RAB27A: variants seen among roughly 807,000 people sequenced by gnomAD.
RAB27A encodes the protein RAB27A, member RAS oncogene family, also known as ras-related protein Rab-27A.
A neutral mutation model predicts 20.8 loss-of-function variants in RAB27A; 17 were observed. That is an observed-to-expected ratio of 0.82 (90% CI 0.56 to 1.23). RAB27A has a LOEUF of 1.23. Ranked by LOEUF, RAB27A falls within the 50% of genes most tolerant of loss-of-function variation. The probability of loss-of-function intolerance (pLI) is 0.00; values close to 1 mark genes in which losing one functional copy is unlikely to be tolerated. For synonymous variants in RAB27A, 85 were observed against 92.8 expected (o/e 0.92, Z 0.48); for missense variants, 277 against 266.7 (o/e 1.04, Z -0.27).
Position 55,205,587 on chromosome 15 carries a change from C to T in RAB27A, c.586G>A (p.Glu196Lys). 1.7e-5 allele frequency: 28 copies of T among 1,614,184 alleles called. No homozygotes were observed. The highest frequency in any genetic ancestry group is 2.4e-5 in the Non-Finnish European group (28 of 1,180,028). The change falls in exon 7 of 7, where the codon GAA becomes AAA. Residue 196 changes from glutamate (E) to lysine (K), a missense_variant. Transcript: ENST00000336787. Reference sequence around the variant, plus strand: ...TGACCATTTGATCGCACCACTCCTTCAGGAATCCAGGACTTGTCCACACAC... The same window carrying T: ...TGACCATTTGATCGCACCACTCCTTTAGGAATCCAGGACTTGTCCACACAC... ...ERCVDKSWIPEGVVRSNGHAS... is the reference protein window; with the variant it reads ...ERCVDKSWIPKGVVRSNGHAS...
At chr15:55,274,815 T>TATATATATATATATATATATACAC (rs1188210380) in intron 1 of RAB27A, among the ~76,000 whole-genome samples, 3 of 135,084 alleles carry the variant, frequency 2.2e-5, no homozygotes, top group African/African-American at 8.1e-5. Context: ...TATATATATA[T>TATATATATATATATATATATACAC]ATATATATAT....
chr15:55,260,210 G>A (rs1897226002), intron 2 of RAB27A, among the ~76,000 whole-genome samples: 1 of 152,144 alleles, frequency 6.6e-6, no homozygotes, highest in Non-Finnish European at 1.5e-5. Flanking sequence ...TGTTATTAGA[G>A]AATTGCAAAT....
At chr15:55,206,090 A>G (rs1345339394) in intron 6 of RAB27A, among the ~76,000 whole-genome samples, 16 of 152,050 alleles carry the variant, frequency 1.1e-4, no homozygotes, top group Non-Finnish European at 5.9e-5. Flanking sequence ...ATACACCTGT[A>G]ATCCCAGCTA....
rs528299211 is a variant in RAB27A, at chr15:55,259,436, C to T, written c.-23+10729G>A. 3.9e-5 allele frequency among the ~76,000 whole-genome samples: 6 copies of T among 151,952 alleles called. No individual in the cohort carries two copies. In the East Asian group the frequency reaches 5.9e-4, roughly 15 times the overall value. Reference sequence around the variant, plus strand: ...AATAACTGGGACTACAAGCATGAGTCGCCACGCCCAGCTAATTTTCTTTTC... The same window carrying T: ...AATAACTGGGACTACAAGCATGAGTTGCCACGCCCAGCTAATTTTCTTTTC... On this transcript the variant is annotated intron_variant, in intron 2 of 6. Coordinates refer to ENST00000336787, the MANE Select transcript of RAB27A (RefSeq NM_183235.3).
intron 2 of RAB27A, among the ~76,000 whole-genome samples, chr15:55,247,657 A>G (rs930912712): frequency 6.6e-6 from 1 of 152,196 alleles, no homozygotes; most frequent in Non-Finnish European, 1.5e-5. Context: ...TTTCTGAAGG[A>G]GCAATGATAC....
At chr15:55,287,676 G>A (rs1333365707) in intron 1 of RAB27A, among the ~76,000 whole-genome samples, 2 of 152,064 alleles carry the variant, frequency 1.3e-5, no homozygotes, top group Admixed American at 1.3e-4. Context: ...GAACCAGGGA[G>A]GCGGAGGTTG....
chr15:55,229,699 A>G (rs1369188016), intron 4 of RAB27A, among the ~76,000 whole-genome samples: 1 of 152,098 alleles, frequency 6.6e-6, no homozygotes, highest in African/African-American at 2.4e-5. Context: ...TATCTTTTAG[A>G]GCTACATTAC....
upstream of RAB27A, among the ~76,000 whole-genome samples, chr15:55,294,071 A>G (rs550147165): frequency 6.6e-6 from 1 of 152,266 alleles, no homozygotes; most frequent in East Asian, 1.9e-4. Flanking sequence ...ATTGCAAAGG[A>G]CCCAAAAATT....
Position 55,205,606 on chromosome 15 carries a change from C to T in RAB27A, c.567G>A (p.Val189=). ...CTCCTTCAGGAATCCAGGACTTGTC[C>T]ACACACCGTTCCATTCGCTTCATTA... ...DLIMKRMERC[V]DKSWIPEGVV... is the part of the protein sequence containing the mutation. Residue 189 remains valine (V), a synonymous_variant, in exon 7 of 7, where the codon GTG becomes GTA. Coordinates refer to ENST00000336787, the MANE Select transcript of RAB27A (RefSeq NM_183235.3). 1.2e-6 allele frequency: 2 copies of T among 1,614,116 alleles called. No homozygotes were observed. The highest frequency in any genetic ancestry group is 1.3e-5 in the African/African-American group (1 of 75,020).
chr15:55,291,359 A>G (rs1898300009), upstream of RAB27A, among the ~76,000 whole-genome samples: 1 of 151,988 alleles, frequency 6.6e-6, no homozygotes, highest in African/African-American at 2.4e-5. Flanking sequence ...AAATACAAAA[A>G]ATTAGCAGGG....
intron 1 of RAB27A, among the ~76,000 whole-genome samples, chr15:55,275,930 A>AG: frequency 6.7e-6 from 1 of 150,042 alleles, no homozygotes; most frequent in Admixed American, 6.6e-5. Context: ...AAAAAAAAAA[A>AG]AAAAAAAAAA....
intron 2 of RAB27A, among the ~76,000 whole-genome samples, chr15:55,304,173 G>C (rs908864132): frequency 6.6e-6 from 1 of 151,990 alleles, no homozygotes; most frequent in African/African-American, 2.4e-5. Flanking sequence ...CCCCAACCCT[G>C]TGCTCTCTGA....
intron 1 of RAB27A, among the ~76,000 whole-genome samples, chr15:55,273,424 A>T (rs971701032): frequency 2.6e-5 from 4 of 151,792 alleles, no homozygotes; most frequent in African/African-American, 9.7e-5. Context: ...AAAAAAAATA[A>T]AAATAAAAAT....
chr15:55,223,204 G>A (rs979196702), intron 6 of RAB27A, among the ~76,000 whole-genome samples: 10 of 152,036 alleles, frequency 6.6e-5, no homozygotes, highest in African/African-American at 9.7e-5. Context: ...ACATGAAGTG[G>A]CTTTGAAATT....
intron 2 of RAB27A, among the ~76,000 whole-genome samples, chr15:55,262,337 C>A (rs148202080): frequency 6.6e-6 from 1 of 151,778 alleles, no homozygotes; most frequent in South Asian, 2.1e-4. Context: ...GTCAGGAGAT[C>A]CAGACCATCC....
At chr15:55,207,661 C>A (rs548441176) in intron 6 of RAB27A, among the ~76,000 whole-genome samples, 1 of 152,068 alleles carries the variant, frequency 6.6e-6, no homozygotes, top group African/African-American at 2.4e-5. Context: ...ACCAAAAATG[C>A]GACTTTTTTG....
chr15:55,295,700 G>C (rs1024351845), intron 2 of RAB27A, among the ~76,000 whole-genome samples: 1 of 152,118 alleles, frequency 6.6e-6, no homozygotes, highest in Admixed American at 6.5e-5. Context: ...GGGAGAGGGA[G>C]AAATGAGGTG....
At chr15:55,262,004 T>A (rs1897285738) in intron 2 of RAB27A, among the ~76,000 whole-genome samples, 1 of 150,646 alleles carries the variant, frequency 6.6e-6, no homozygotes, top group South Asian at 2.1e-4. Flanking sequence ...ACAATTGCAC[T>A]CTGGCCTGGG....
At chr15:55,246,221 G>GA (rs1268875924) in intron 2 of RAB27A, among the ~76,000 whole-genome samples, 1 of 151,874 alleles carries the variant, frequency 6.6e-6, no homozygotes, top group East Asian at 1.9e-4. Context: ...CCAGGATGAA[G>GA]AAAAAAATAA....
Sources: allele counts gnomAD v4.1 joint callset (sites outside exome capture counted in the v4.1 genomes callset), GRCh38; gene constraint gnomAD v4.1.1; transcripts MANE v1.5; gene names NCBI Gene and HGNC (gene_info 2026-07-23, HGNC 2026-07-21).